The following OTOL1 variants were observed in gnomAD, a reference collection of about 807,000 sequenced individuals.
OTOL1 encodes the protein otolin 1.
A neutral mutation model predicts 25.0 loss-of-function variants in OTOL1; 31 were observed. The ratio of observed to expected loss-of-function variants is 1.24; its 90% confidence interval spans 0.93 to 1.67. The LOEUF (loss-of-function observed/expected upper bound fraction) is 1.67. Ranked by LOEUF, OTOL1 falls within the 40% of genes most tolerant of loss-of-function variation. The pLI is 0.00. For synonymous variants in OTOL1, 225 were observed against 210.3 expected (o/e 1.07, Z -0.61); for missense variants, 654 against 587.7 (o/e 1.11, Z -1.17).
Position 161,496,859 on chromosome 3 carries a change from G to T in OTOL1, c.52G>T (p.Gly18Cys). The T allele has an allele frequency of 6.2e-7, 1 of 1,608,820 alleles. No individual in the cohort carries two copies. The highest frequency in any genetic ancestry group is 8.5e-7 in the Non-Finnish European group (1 of 1,177,884). Residue 18 changes from glycine (G) to cysteine (C), a missense_variant, in exon 1 of 4, where the codon GGT becomes TGT. Coordinates refer to ENST00000327928, the MANE Select transcript of OTOL1 (RefSeq NM_001080440.1). ...CAILIILAIAGMNTIAKTTPH... is the reference protein window; with the variant it reads ...CAILIILAIACMNTIAKTTPH... ...TATTTTAATTATTTTGGCTATTGCT[G>T]GTATGAACACAATAGCAAAGACCAC...
Position 161,503,656 on chromosome 3 carries a change from C to G in OTOL1, c.1148C>G (p.Ser383Cys). The part of the protein sequence containing the change: ...YSPVTGKFNC[S>C]IPGTYVFSYH... Reference sequence around the variant, plus strand: ...CCTGTCACTGGGAAGTTTAACTGCTCTATTCCTGGGACATATGTTTTTTCC... The same window carrying G: ...CCTGTCACTGGGAAGTTTAACTGCTGTATTCCTGGGACATATGTTTTTTCC... The change falls in exon 4 of 4, where the codon TCT becomes TGT. Residue 383 changes from serine to cysteine, a missense_variant. Coordinates refer to ENST00000327928, the MANE Select transcript of OTOL1 (RefSeq NM_001080440.1). 6.2e-7 allele frequency: 1 copy of G among 1,613,808 alleles called. No individual in the cohort carries two copies. The highest frequency in any genetic ancestry group is 2.2e-5 in the East Asian group (1 of 44,838).
chr3:161,501,837 T>A (rs1446948147), intron 2 of OTOL1, among the ~76,000 whole-genome samples: 1 of 152,062 alleles, frequency 6.6e-6, no homozygotes, highest in East Asian at 1.9e-4. Context: ...GCTAAAATAG[T>A]TTACCAGTTG....
rs1718850973 is a variant in OTOL1, at chr3:161,497,053, C to G, written c.246C>G (p.Ala82=). 6.2e-7 allele frequency: 1 copy of G among 1,613,582 alleles called. No individual in the cohort carries two copies. Among genetic ancestry groups the G allele is most frequent in the Non-Finnish European group, 8.5e-7 (1 of 1,179,706 alleles). Residue 82 remains alanine, a synonymous_variant, in exon 1 of 4, where the codon GCC becomes GCG. Transcript: ENST00000327928. ...PSALDSVFGT[A]TLSPFENFTL... is the part of the protein sequence containing the mutation. ...CCTTGGATTCTGTCTTTGGCACTGC[C>G]ACTCTCTCTCCCTTTGAAAACTTCA...
At position 161,496,981 on chromosome 3, in the gene OTOL1, C is replaced by G; in HGVS notation, c.174C>G (p.Leu58=). 2 of 1,613,578 alleles carry G rather than the reference C, an allele frequency of 1.2e-6. No homozygotes were observed. The highest frequency in any genetic ancestry group is 1.7e-6 in the Non-Finnish European group (2 of 1,179,644). The change falls in exon 1 of 4, where the codon CTC becomes CTG. Residue 58 remains leucine (L), a synonymous_variant. Coordinates refer to ENST00000327928, the MANE Select transcript of OTOL1 (RefSeq NM_001080440.1). ...CACCTCCAGAAGAAGAAGAAACCCT[C>G]TTCACAGAAATGGCTGAAATGGCAG... ...SGPPPEEEET[L]FTEMAEMAEP... is the part of the protein sequence containing the mutation.
chr3:161,502,439 G>A (rs1718997172), intron 3 of OTOL1, 70 bp downstream of exon 3: 2 of 1,276,790 alleles, frequency 1.6e-6, no homozygotes, highest in South Asian at 2.5e-5. Flanking sequence ...CTTCCTGCTT[G>A]TATTTAAAAT....
In OTOL1 at chr3:161,503,786, G is replaced by A. The variant is rs1169723266; in HGVS notation, c.1278G>A (p.Gln426=). 1.2e-6 allele frequency: 2 copies of A among 1,613,774 alleles called. No homozygotes were observed. Among genetic ancestry groups the A allele is most frequent in the Non-Finnish European group, 1.7e-6 (2 of 1,179,874 alleles). ...CTCTCTATGGTCAGGAAATAGACCA[G>A]GCCTCTCTCCTCGTCATCTTGAAAT... ...RETLYGQEID[Q]ASLLVILKLS... is the part of the protein sequence containing the mutation. Residue 426 remains glutamine, a synonymous_variant, in exon 4 of 4, where the codon CAG becomes CAA. Transcript: ENST00000327928.
In OTOL1 at chr3:161,502,371, T is replaced by C; in HGVS notation, c.517+2T>C. ...ACCCAGGAAAACCGGGAGCACAAGG[T>C]AGAGCATGAAATGTATCTACTGTGT... On this transcript the variant is annotated splice_donor_variant, in intron 3 of 3. Coordinates refer to ENST00000327928, the MANE Select transcript of OTOL1 (RefSeq NM_001080440.1). LOFTEE classifies it high-confidence loss of function. The C allele has an allele frequency of 2.5e-6, 4 of 1,612,310 alleles. No homozygotes were observed. The South Asian group carries it at 4.4e-5, about 18-fold the overall frequency.
At chr3:161,500,656 C>G (rs1016517146) in intron 2 of OTOL1, among the ~76,000 whole-genome samples, 1 of 152,144 alleles carries the variant, frequency 6.6e-6, no homozygotes, top group African/African-American at 2.4e-5. Context: ...TCGAGGAATT[C>G]AAGAAGCAGT....
Position 161,497,148 on chromosome 3 carries a change from A to G in OTOL1, c.341A>G (p.Glu114Gly). 6.2e-7 allele frequency: 1 copy of G among 1,612,626 alleles called. No homozygotes were observed. Reference protein sequence around the residue: ...CCSPVPGQKGEPGETGQPGPK... With the variant: ...CCSPVPGQKGGPGETGQPGPK... ...TCACCTGTACCCGGGCAGAAAGGAGAACCTGGAGAGACTGGACAGCCAGGT... is the reference window on the plus strand; with the variant it reads ...TCACCTGTACCCGGGCAGAAAGGAGGACCTGGAGAGACTGGACAGCCAGGT... The change falls in exon 1 of 4, where the codon GAA becomes GGA. Residue 114 changes from glutamate to glycine, a missense_variant. Glu to Gly is a moderately conservative substitution (Grantham distance 98). Transcript: ENST00000327928.
chr3:161,503,102 C>G lies in OTOL1; in HGVS notation c.594C>G (p.Asp198Glu), dbSNP rs1207993957. The G allele has an allele frequency of 8.5e-6, 12 of 1,406,836 alleles. No homozygotes were observed. The highest frequency in any genetic ancestry group is 1.0e-5 in the Non-Finnish European group (11 of 1,079,406). 87.1% of individuals were successfully genotyped at this position (1,406,836 alleles called of 1,614,324 possible). A position where few individuals can be genotyped will look rare whatever the true frequency, so the allele number is the denominator to read the frequency against. ...AAGGACAAAAAGGCTCCAAGGGAGA[C>G]ACATGTGGGAATTGTACCAAAGGAG... is the stretch of plus-strand genomic sequence containing the variant. Reference protein sequence around the residue: ...GVKGQKGSKGDTCGNCTKGEK... With the variant: ...GVKGQKGSKGETCGNCTKGEK... The change falls in exon 4 of 4, where the codon GAC (aspartate) becomes GAG (glutamate). Residue 198 changes from aspartate (D) to glutamate (E), a missense_variant. Physicochemically the swap from Asp to Glu is conservative, Grantham distance 45. Coordinates refer to ENST00000327928, the MANE Select transcript of OTOL1 (RefSeq NM_001080440.1).
chr3:161,502,393 G>C, intron 3 of OTOL1, 24 bp downstream of exon 3: 1 of 1,598,988 alleles, frequency 6.3e-7, no homozygotes, highest in East Asian at 2.2e-5. Context: ...TGTATCTACT[G>C]TGTACAGTCA....
rs1213857423 is a variant in OTOL1 at position 161,503,288 on chromosome 3, T to G, written c.780T>G (p.Gly260=). The G allele has an allele frequency of 3.1e-5, 36 of 1,180,228 alleles. No homozygotes were observed. The highest frequency in any genetic ancestry group is 2.3e-4 in the African/African-American group (12 of 52,330). The allele number at this position is 1,180,228 out of a possible 1,614,324, so 73.1% of individuals were successfully genotyped here. A position where few individuals can be genotyped will look rare whatever the true frequency, so the allele number is the denominator to read the frequency against. ...RGGKGQKGEG[G]MKGEKGSKGD... ...GAAAAGGACAGAAAGGTGAGGGGGG[T>G]ATGAAAGGGGAAAAAGGTAGCAAAG... The change falls in exon 4 of 4, where the codon GGT becomes GGG. Residue 260 remains glycine, a synonymous_variant. Transcript: ENST00000327928.
chr3:161,499,131 G>C (rs776740910), intron 1 of OTOL1, 40 bp from the exon 2 acceptor site: 4 of 1,486,392 alleles, frequency 2.7e-6, no homozygotes, highest in Non-Finnish European at 3.7e-6. Flanking sequence ...CTTTAAAAGA[G>C]AAATTTTATA....
At chr3:161,497,957 T>C (rs1036730427) in intron 1 of OTOL1, among the ~76,000 whole-genome samples, 1 of 152,204 alleles carries the variant, frequency 6.6e-6, no homozygotes, top group African/African-American at 2.4e-5. Context: ...AGGAATTTAA[T>C]GTTATAAACT....
In OTOL1 at chr3:161,503,826, C is replaced by G. The variant is rs1719044391; in HGVS notation, c.1318C>G (p.Gln440Glu). 6.2e-7 allele frequency: 1 copy of G among 1,613,728 alleles called. No individual in the cohort carries two copies. The highest frequency in any genetic ancestry group is 1.7e-5 in the Admixed American group (1 of 59,988). ...CATCTTGAAATTAAGTGCAGGAGAC[C>G]AAGTCTGGCTTGAGGTGTCAAAAGA... Reference protein sequence around the residue: ...LVILKLSAGDQVWLEVSKDWN... With the variant: ...LVILKLSAGDEVWLEVSKDWN... Residue 440 changes from glutamine (Q) to glutamate (E), a missense_variant, in exon 4 of 4, where the codon CAA (glutamine) becomes GAA (glutamate). By Grantham distance (29) the Gln-to-Glu change is conservative (BLOSUM62 2). Coordinates refer to ENST00000327928, the MANE Select transcript of OTOL1 (RefSeq NM_001080440.1).
intron 2 of OTOL1, among the ~76,000 whole-genome samples, chr3:161,501,585 G>T (rs902635555): frequency 6.6e-5 from 10 of 151,292 alleles, no homozygotes; most frequent in African/African-American, 2.4e-4. Context: ...ATTGGTTTTA[G>T]CCAACTACAG....
intron 3 of OTOL1, 137 bp downstream of exon 3, chr3:161,502,506 T>A (rs956537810): frequency 1.2e-5 from 9 of 768,022 alleles, no homozygotes; most frequent in Non-Finnish European, 1.5e-5. Context: ...TAATTCAGTG[T>A]ACTGACTCAG....
chr3:161,502,627 GT>G (rs1719002449), intron 3 of OTOL1, among the ~76,000 whole-genome samples: 1 of 152,196 alleles, frequency 6.6e-6, no homozygotes, highest in South Asian at 2.1e-4. Flanking sequence ...CTGGGTCTCA[GT>G]TTCCTTGCCA....
At position 161,503,104 on chromosome 3, in the gene OTOL1, C is replaced by T. The variant is rs1253316482; in HGVS notation, c.596C>T (p.Thr199Ile). 4.2e-6 allele frequency: 6 copies of T among 1,417,012 alleles called. No homozygotes were observed. The South Asian group carries it at 1.1e-4, about 26-fold the overall frequency. The allele number at this position is 1,417,012 out of a possible 1,614,324, so 87.8% of individuals were successfully genotyped here. The change falls in exon 4 of 4, where the codon ACA becomes ATA. Residue 199 changes from threonine to isoleucine, a missense_variant. By Grantham distance (89) the Thr-to-Ile change is moderately conservative. Transcript: ENST00000327928. ...GGACAAAAAGGCTCCAAGGGAGACA[C>T]ATGTGGGAATTGTACCAAAGGAGAA... ...VKGQKGSKGD[T>I]CGNCTKGEKG... is the part of the protein sequence containing the mutation.
Sources: gnomAD v4.1 joint callset for allele counts (sites outside exome capture counted in the v4.1 genomes callset) on GRCh38, gnomAD v4.1.1 for gene constraint, MANE v1.5 for transcripts, NCBI Gene and HGNC (gene_info 2026-07-23, HGNC 2026-07-21) for gene names.